DYSF: variants seen among roughly 807,000 people sequenced by gnomAD.
DYSF encodes dysferlin.
Under a neutral mutation model 274.9 loss-of-function variants are expected in DYSF, and 212 were observed. The observed-to-expected ratio is 0.77, with a 90% CI of 0.69 to 0.86. The LOEUF is 0.86. Ranked by LOEUF, DYSF falls within the 40% of genes least tolerant of loss-of-function variation. DYSF has a pLI of 0.00. For missense variants in DYSF, 2,666 were observed against 2,783.2 expected, an observed-to-expected ratio of 0.96 and a Z score of 0.95; for synonymous variants, 1,091 against 1,078.7, an observed-to-expected ratio of 1.01 and a Z score of -0.22.
chr2:71,601,707 T>C (rs1340818198), intron 35 of DYSF, among the ~76,000 whole-genome samples, 179 bp downstream of exon 35: 1 of 152,174 alleles, frequency 6.6e-6, no homozygotes, highest in Non-Finnish European at 1.5e-5. Context: ...TCTGCCAAGC[T>C]CAGGCCTTTG....
chr2:71,613,502 C>A, intron 40 of DYSF, 92 bp downstream of exon 40: 1 of 1,114,772 alleles, frequency 9.0e-7, no homozygotes, highest in Non-Finnish European at 1.3e-6. Context: ...TTCATTATCA[C>A]ACAGCCTCTA....
At chr2:71,577,436 T>A (rs774758754) in intron 30 of DYSF, among the ~76,000 whole-genome samples, 7 of 147,870 alleles carry the variant, frequency 4.7e-5, no homozygotes, top group Non-Finnish European at 1.0e-4. Flanking sequence ...ACAATCACAC[T>A]CTCACACATA....
rs1264976701 is a variant in DYSF at position 71,615,731 on chromosome 2, G to T, written c.4464+2321G>T. On this transcript the variant is annotated intron_variant, in intron 40 of 55. Coordinates refer to ENST00000410020, the MANE Select transcript of DYSF (RefSeq NM_001130987.2). The surrounding 1 kb of genome is among the most constrained non-coding windows in gnomAD (Gnocchi z 4.9). ...TCCAGTGGTTTGCTAGATAACTATG[G>T]CTGGGCTTTCTTCCTCTCCCTCCTT... Among the ~76,000 whole-genome samples the T allele has an allele frequency of 6.6e-6, 1 of 152,172 alleles. No individual in the cohort carries two copies. Among genetic ancestry groups the T allele is most frequent in the African/African-American group, 2.4e-5 (1 of 41,454 alleles).
intron 42 of DYSF, among the ~76,000 whole-genome samples, chr2:71,652,008 T>G (rs978409795): frequency 6.6e-6 from 1 of 152,102 alleles, no homozygotes; most frequent in Non-Finnish European, 1.5e-5. Context: ...AAAAAGAACA[T>G]CTCTCAAGCT....
chr2:71,532,054 T>A (rs1477463001), intron 14 of DYSF, among the ~76,000 whole-genome samples: 1 of 152,226 alleles, frequency 6.6e-6, no homozygotes, highest in Non-Finnish European at 1.5e-5. Flanking sequence ...GAATCAACTA[T>A]ATACATGCAG....
chr2:71,643,968 G>A lies in DYSF; in HGVS notation c.4531G>A (p.Glu1511Lys). ...TASPPSSPHEEEFIDWWSKFF... is the reference protein window; with the variant it reads ...TASPPSSPHEKEFIDWWSKFF... Reference sequence around the variant, plus strand: ...CTCTTTCTTTCTACCCACTCAGGAGGAAGAGTTCATCGATTGGTGGAGCAA... The same window carrying A: ...CTCTTTCTTTCTACCCACTCAGGAGAAAGAGTTCATCGATTGGTGGAGCAA... Residue 1511 changes from glutamate to lysine, a missense_variant, in exon 42 of 56, where the codon GAA becomes AAA. By Grantham distance (56) the Glu-to-Lys change is moderately conservative. This residue lies in a region of DYSF where 1,460 missense variants were observed against 1,502.1 expected (regional missense o/e 0.97). Transcript: ENST00000410020. The A allele has an allele frequency of 1.2e-6, 2 of 1,608,774 alleles. No homozygotes were observed. Among genetic ancestry groups the A allele is most frequent in the East Asian group, 2.2e-5 (1 of 44,820 alleles).
chr2:71,542,334 G>A (rs981132449), intron 17 of DYSF, among the ~76,000 whole-genome samples: 1 of 150,132 alleles, frequency 6.7e-6, no homozygotes, highest in Non-Finnish European at 1.5e-5. Flanking sequence ...TTCGTACATG[G>A]TTTAAAATGG....
chr2:71,663,868 C>T (rs1030442029), intron 45 of DYSF, among the ~76,000 whole-genome samples: 1 of 151,674 alleles, frequency 6.6e-6, no homozygotes, highest in Non-Finnish European at 1.5e-5. Flanking sequence ...CCCAATTTAC[C>T]GGGAGTCCTC....
chr2:71,676,929 A>G (rs62145942), intron 52 of DYSF, among the ~76,000 whole-genome samples: 36 of 150,146 alleles, frequency 2.4e-4, no homozygotes, highest in South Asian at 6.3e-4. Context: ...ATGTGTGTGT[A>G]TGTGTGTGTG....
At chr2:71,637,280 C>T (rs1292690119) in intron 41 of DYSF, among the ~76,000 whole-genome samples, 1 of 152,002 alleles carries the variant, frequency 6.6e-6, no homozygotes, top group Non-Finnish European at 1.5e-5. Context: ...TTGAATGGAC[C>T]AGAGAGGATG....
At chr2:71,618,457 T>TGGG (rs2093989437) in intron 40 of DYSF, among the ~76,000 whole-genome samples, 2 of 4,758 alleles carry the variant, frequency 4.2e-4, no homozygotes, top group African/African-American at 8.7e-4. Context: ...GAGGTGGGGT[T>TGGG]GTGTGTGTGT....
At chr2:71,629,310 T>A (rs1470349833) in intron 41 of DYSF, among the ~76,000 whole-genome samples, 1 of 152,260 alleles carries the variant, frequency 6.6e-6, no homozygotes, top group African/African-American at 2.4e-5. Context: ...TCTGCTTGTT[T>A]ATTTTTGAAG....
chr2:71,594,756 C>T (rs531365903), intron 32 of DYSF, among the ~76,000 whole-genome samples: 85 of 152,308 alleles, frequency 5.6e-4, no homozygotes, highest in African/African-American at 1.9e-3. Context: ...TTGGTCTGCA[C>T]GGCCTACCTC....
At chr2:71,631,652 C>G (rs1309992213) in intron 41 of DYSF, among the ~76,000 whole-genome samples, 2 of 152,156 alleles carry the variant, frequency 1.3e-5, no homozygotes, top group South Asian at 2.1e-4. Flanking sequence ...AATCTGTTAG[C>G]TATTTGGAGT....
At chr2:71,468,690 G>A (rs1327361618) in intron 1 of DYSF, among the ~76,000 whole-genome samples, 1 of 152,192 alleles carries the variant, frequency 6.6e-6, no homozygotes. Context: ...CCAGGGCAAT[G>A]CCACCTTCTC....
chr2:71,589,369 T>C (rs1307972689), intron 30 of DYSF, among the ~76,000 whole-genome samples: 1 of 152,202 alleles, frequency 6.6e-6, no homozygotes, highest in East Asian at 1.9e-4. Flanking sequence ...TGGTCTTCAC[T>C]AGAGAGGGAG....
At chr2:71,474,978 C>T (rs1426042889) in intron 1 of DYSF, among the ~76,000 whole-genome samples, 5 of 152,160 alleles carry the variant, frequency 3.3e-5, no homozygotes. Context: ...CTCAGGCCCC[C>T]TCAGAACCCT....
intron 4 of DYSF, among the ~76,000 whole-genome samples, chr2:71,504,052 C>T (rs555584179): frequency 4.6e-5 from 7 of 152,322 alleles, no homozygotes; most frequent in Non-Finnish European, 7.3e-5. Flanking sequence ...GGCAGTGGTA[C>T]TGCCCCGTGG....
chr2:71,660,476 C>A, intron 44 of DYSF, 84 bp from the exon 45 acceptor site: 2 of 1,192,438 alleles, frequency 1.7e-6, no homozygotes, highest in Non-Finnish European at 2.5e-6. Flanking sequence ...GCTCCCTCAT[C>A]CCATCCAGAG....
Sources: allele counts gnomAD v4.1 joint callset (sites outside exome capture counted in the v4.1 genomes callset), GRCh38; gene constraint gnomAD v4.1.1; regional missense constraint gnomAD v4.1.1; non-coding constraint Gnocchi (gnomAD v3.1); transcripts MANE v1.5; gene names NCBI Gene and HGNC (gene_info 2026-07-23, HGNC 2026-07-21).